Variants in ZMYND8 observed in about 807,000 individuals in gnomAD.
The protein encoded by ZMYND8 is zinc finger MYND-type containing 8.
ZMYND8 carries 37 observed loss-of-function variants against 140.8 expected under a neutral mutation model. The observed-to-expected ratio is 0.26, with a 90% CI of 0.20 to 0.35. ZMYND8 has a LOEUF of 0.35. Ranked by LOEUF, ZMYND8 falls within the 10% of genes least tolerant of loss-of-function variation. The probability of loss-of-function intolerance (pLI) is 1.00; values close to 1 mark genes in which losing one functional copy is unlikely to be tolerated. For missense variants in ZMYND8, 1,068 were observed against 1,570.0 expected (o/e 0.68, Z 5.40); for synonymous variants, 592 against 597.1 (o/e 0.99, Z 0.12).
intron 9 of ZMYND8, 70 bp downstream of exon 9, chr20:47,283,501 A>G (rs1353570387): frequency 1.3e-6 from 2 of 1,509,646 alleles, no homozygotes; most frequent in African/African-American, 2.8e-5. Context: ...ACCTGGAAAA[A>G]GCTGTCTCAG....
chr20:47,339,115 G>A (rs1372841330), intron 2 of ZMYND8, among the ~76,000 whole-genome samples: 2 of 151,862 alleles, frequency 1.3e-5, no homozygotes, highest in Admixed American at 1.3e-4. Flanking sequence ...TAGGACTACA[G>A]GCGCCCACCT....
chr20:47,223,951 G>A (rs963014043), intron 19 of ZMYND8, among the ~76,000 whole-genome samples: 1 of 152,020 alleles, frequency 6.6e-6, no homozygotes, highest in Non-Finnish European at 1.5e-5. Flanking sequence ...GTCAAAGATA[G>A]GTTAGTACCA....
At chr20:47,308,375 C>T (rs975922655) in intron 3 of ZMYND8, among the ~76,000 whole-genome samples, 64 of 151,928 alleles carry the variant, frequency 4.2e-4, no homozygotes, top group African/African-American at 9.4e-4. Context: ...TGTGCCACCA[C>T]GCCCGGCTAA....
intron 13 of ZMYND8, among the ~76,000 whole-genome samples, chr20:47,247,060 G>A (rs2040643501): frequency 6.6e-6 from 1 of 152,206 alleles, no homozygotes; most frequent in African/African-American, 2.4e-5. Flanking sequence ...AAGCCTTAAA[G>A]CAGAGGTTGC....
intron 2 of ZMYND8, among the ~76,000 whole-genome samples, chr20:47,345,010 C>G (rs2082222853): frequency 6.6e-6 from 1 of 151,962 alleles, no homozygotes; most frequent in South Asian, 2.1e-4. Flanking sequence ...CCCAGCTACT[C>G]AGGAGGCTGA....
intron 12 of ZMYND8, among the ~76,000 whole-genome samples, chr20:47,257,971 C>T (rs2147489901): frequency 6.6e-6 from 1 of 152,302 alleles, no homozygotes; most frequent in Middle Eastern, 3.4e-3. Flanking sequence ...AATCCTCCTG[C>T]CTCAGCCTCC....
At chr20:47,262,698 G>A (rs1009631996) in intron 11 of ZMYND8, among the ~76,000 whole-genome samples, 2 of 152,154 alleles carry the variant, frequency 1.3e-5, no homozygotes, top group African/African-American at 2.4e-5. Flanking sequence ...AGACAAATCG[G>A]CTAAGCTGCC....
intron 1 of ZMYND8, among the ~76,000 whole-genome samples, chr20:47,355,193 C>T (rs563376947): frequency 9.9e-5 from 15 of 152,264 alleles, no homozygotes; most frequent in Admixed American, 3.3e-4. Context: ...AGAGTCAAGT[C>T]ACAATGAACT....
chr20:47,311,584 T>A (rs1335822480), intron 2 of ZMYND8, among the ~76,000 whole-genome samples: 1 of 152,114 alleles, frequency 6.6e-6, no homozygotes, highest in East Asian at 1.9e-4. Flanking sequence ...ATTTGTAGAA[T>A]GTGTTTCTAG....
chr20:47,270,473 C>G (rs1486936548), intron 11 of ZMYND8, among the ~76,000 whole-genome samples: 1 of 150,086 alleles, frequency 6.7e-6, no homozygotes, highest in Non-Finnish European at 1.5e-5. Flanking sequence ...CAGTCTACAC[C>G]AGACATTGCA....
Position 47,246,222 on chromosome 20 carries a change from C to G in ZMYND8, c.2070G>C (p.Glu690Asp), listed in dbSNP as rs2040545797. ...PGAVKDKASP[E>D]PEKDFSEKAK... ...CCTTTTCGGAAAAGTCCTTCTCAGGCTCAGGGCTGGCCTTGTCCTTGACTG... is the reference window on the plus strand; with the variant it reads ...CCTTTTCGGAAAAGTCCTTCTCAGGGTCAGGGCTGGCCTTGTCCTTGACTG... Residue 690 changes from glutamate to aspartate, a missense_variant, in exon 14 of 23, where the codon GAG (glutamate) becomes GAC (aspartate). This residue lies in a region of ZMYND8 where 383 missense variants were observed against 431.2 expected (regional missense o/e 0.89). Coordinates refer to ENST00000471951, the MANE Select transcript of ZMYND8 (RefSeq NM_001281775.3). The G allele has an allele frequency of 6.2e-7, 1 of 1,614,168 alleles. No individual in the cohort carries two copies. The highest frequency in any genetic ancestry group is 1.7e-5 in the Admixed American group (1 of 60,012).
chr20:47,290,107 C>G, intron 7 of ZMYND8, 80 bp downstream of exon 7: 1 of 1,351,800 alleles, frequency 7.4e-7, no homozygotes, highest in South Asian at 1.3e-5. Context: ...GAATTAAGAG[C>G]CTGATTTTTC....
chr20:47,211,231 C>G (rs530075615), intron 22 of ZMYND8, among the ~76,000 whole-genome samples: 1 of 152,156 alleles, frequency 6.6e-6, no homozygotes, highest in African/African-American at 2.4e-5. Flanking sequence ...CATCACTGAA[C>G]GACACCAAGC....
At chr20:47,245,303 G>A (rs1164499283) in intron 14 of ZMYND8, among the ~76,000 whole-genome samples, 1 of 152,082 alleles carries the variant, frequency 6.6e-6, no homozygotes, top group Non-Finnish European at 1.5e-5. Context: ...CTGGAGTGCA[G>A]TGGCGCAATC....
chr20:47,275,036 T>C (rs1287791073), intron 11 of ZMYND8, among the ~76,000 whole-genome samples: 1 of 151,886 alleles, frequency 6.6e-6, no homozygotes, highest in South Asian at 2.1e-4. Context: ...AGGAAGCGAG[T>C]GTGAAAGGCT....
intron 12 of ZMYND8, among the ~76,000 whole-genome samples, chr20:47,260,379 C>T (rs114890146): frequency 6.6e-6 from 1 of 152,274 alleles, no homozygotes; most frequent in African/African-American, 2.4e-5. Flanking sequence ...TACGAGGCCC[C>T]CGTACTGTCT....
At chr20:47,266,815 C>G (rs1372563631) in intron 11 of ZMYND8, among the ~76,000 whole-genome samples, 1 of 151,080 alleles carries the variant, frequency 6.6e-6, no homozygotes, top group African/African-American at 2.4e-5. Context: ...ACAAAGCACT[C>G]TGTGTGTGTG....
chr20:47,235,526 G>A (rs1393904391), intron 16 of ZMYND8, among the ~76,000 whole-genome samples: 4 of 152,076 alleles, frequency 2.6e-5, no homozygotes, highest in South Asian at 2.1e-4. Flanking sequence ...TCGACATGGC[G>A]AAACCCCATC....
At chr20:47,284,008 C>G (rs928293888) in intron 8 of ZMYND8, among the ~76,000 whole-genome samples, 1 of 152,036 alleles carries the variant, frequency 6.6e-6, no homozygotes, top group Non-Finnish European at 1.5e-5. Flanking sequence ...TTGCAACTTT[C>G]GCTTCCTGCG....
Sources: allele counts gnomAD v4.1 joint callset (sites outside exome capture counted in the v4.1 genomes callset), GRCh38; gene constraint gnomAD v4.1.1; regional missense constraint gnomAD v4.1.1; transcripts MANE v1.5; gene names NCBI Gene and HGNC (gene_info 2026-07-23, HGNC 2026-07-21).